Variants in SIPA1L1 observed in about 807,000 individuals in gnomAD.
The protein encoded by SIPA1L1 is signal-induced proliferation-associated 1-like protein 1.
SIPA1L1 carries 26 observed loss-of-function variants against 162.7 expected under a neutral mutation model. The ratio of observed to expected loss-of-function variants is 0.16; its 90% CI spans 0.12 to 0.22. The LOEUF is 0.22. Ranked by LOEUF, SIPA1L1 falls within the 10% of genes least tolerant of loss-of-function variation. SIPA1L1 has a pLI of 1.00. For missense variants in SIPA1L1, 1,874 were observed against 2,241.0 expected (o/e 0.84, Z 3.31); for synonymous variants, 829 against 837.4 (o/e 0.99, Z 0.17).
chr14:71,496,084 AAAAG>A (rs1003755147), intron 2 of SIPA1L1, among the ~76,000 whole-genome samples: 19 of 151,548 alleles, frequency 1.3e-4, no homozygotes, highest in Non-Finnish European at 2.4e-4. Flanking sequence ...AAAAAAAAAA[AAAAG>A]CTATAAAATT....
chr14:71,598,326 C>T (rs2036287358), intron 5 of SIPA1L1: 1 of 558,376 alleles, frequency 1.8e-6, no homozygotes, highest in South Asian at 7.8e-5. Flanking sequence ...TTTGCATGAT[C>T]TCCAGGTATC....
intron 2 of SIPA1L1, among the ~76,000 whole-genome samples, chr14:71,474,038 T>G (rs1020671544): frequency 2.0e-5 from 3 of 152,268 alleles, no homozygotes; most frequent in African/African-American, 7.2e-5. Context: ...TTGTTTGCTT[T>G]CAGCCTGTTG....
chr14:71,705,580 C>T (rs368314142), intron 16 of SIPA1L1, among the ~76,000 whole-genome samples: 1 of 152,082 alleles, frequency 6.6e-6, no homozygotes, highest in East Asian at 1.9e-4. Context: ...TCATCTGATT[C>T]AGTCACTAAC....
At chr14:71,589,772 C>T (rs2035029059) in intron 5 of SIPA1L1, among the ~76,000 whole-genome samples, 1 of 151,922 alleles carries the variant, frequency 6.6e-6, no homozygotes, top group African/African-American at 2.4e-5. Flanking sequence ...ATCACTTCCA[C>T]AGTAAGTACA....
At chr14:71,439,065 G>A (rs2044632420) in intron 2 of SIPA1L1, among the ~76,000 whole-genome samples, 1 of 152,112 alleles carries the variant, frequency 6.6e-6, no homozygotes, top group Admixed American at 6.6e-5. Flanking sequence ...GAGCTCACCT[G>A]TGGTACCCTG....
In SIPA1L1 at chr14:71,691,779, C is replaced by A. The variant is rs1268216071; in HGVS notation, c.3374+6148C>A. 3.3e-5 allele frequency among the ~76,000 whole-genome samples: 5 copies of A among 152,280 alleles called. No individual in the cohort carries two copies. The South Asian group carries it at 1.0e-3, about 32-fold the overall frequency. ...TTTTGACTGCTGAAGTCTTGCCATGCCTGCTCCTCTGACAAGTCGCCTTTA... is the reference window on the plus strand; with the variant it reads ...TTTTGACTGCTGAAGTCTTGCCATGACTGCTCCTCTGACAAGTCGCCTTTA... On this transcript the variant is annotated intron_variant, in intron 13 of 23. Transcript: ENST00000381232.
At chr14:71,597,280 CT>C (rs1481573598) in intron 5 of SIPA1L1, among the ~76,000 whole-genome samples, 1 of 152,166 alleles carries the variant, frequency 6.6e-6, no homozygotes, top group Non-Finnish European at 1.5e-5. Context: ...CTGCACCCGC[CT>C]TATAGTTATC....
At chr14:71,450,641 G>A (rs1028749248) in intron 2 of SIPA1L1, among the ~76,000 whole-genome samples, 20 of 152,122 alleles carry the variant, frequency 1.3e-4, no homozygotes, top group African/African-American at 4.6e-4. Flanking sequence ...AAGCTGCAAT[G>A]TTATTTACCT....
intron 2 of SIPA1L1, among the ~76,000 whole-genome samples, chr14:71,465,938 T>TG (rs2046960515): frequency 6.6e-6 from 1 of 152,192 alleles, no homozygotes; most frequent in African/African-American, 2.4e-5. Context: ...CACATTCTTC[T>TG]GCCTGCTTAT....
chr14:71,570,299 G>A (rs533537874), intron 4 of SIPA1L1, among the ~76,000 whole-genome samples: 207 of 150,614 alleles, frequency 1.4e-3, no homozygotes, highest in Non-Finnish European at 2.5e-3. Flanking sequence ...TTGAGATGAG[G>A]TCTCACTCTG....
At chr14:71,487,517 A>G (rs957163955) in intron 2 of SIPA1L1, among the ~76,000 whole-genome samples, 2 of 152,186 alleles carry the variant, frequency 1.3e-5, no homozygotes, top group Non-Finnish European at 2.9e-5. Context: ...TGTTAGAGCT[A>G]TTCCTGGCAT....
chr14:71,530,560 C>G lies in SIPA1L1; in HGVS notation c.-303+1190C>G, dbSNP rs372753836. On this transcript the variant is annotated intron_variant, in intron 4 of 23. Coordinates refer to ENST00000381232, the MANE Select transcript of SIPA1L1 (RefSeq NM_001386936.1). ...GTAGGAATATTTCAAATATAAAAAG[C>G]ATATAAGGCATAACACAAATATCCT... is the stretch of plus-strand genomic sequence containing the variant. 2.0e-5 allele frequency among the ~76,000 whole-genome samples: 3 copies of G among 152,232 alleles called. No homozygotes were observed. The East Asian group carries it at 5.8e-4, about 29-fold the overall frequency.
intron 9 of SIPA1L1, 112 bp from the exon 10 acceptor site, chr14:71,661,198 T>C (rs978578886): frequency 2.8e-6 from 3 of 1,067,390 alleles, no homozygotes; most frequent in Admixed American, 4.8e-5. Context: ...TTACCTACCT[T>C]CATGTGTACT....
chr14:71,517,305 TA>T (rs1261455154), intron 3 of SIPA1L1, among the ~76,000 whole-genome samples: 2 of 152,176 alleles, frequency 1.3e-5, no homozygotes, highest in Non-Finnish European at 2.9e-5. Context: ...GTAATGTAAT[TA>T]AAAAAATTTT....
At chr14:71,633,911 C>G (rs2040849708) in intron 7 of SIPA1L1, among the ~76,000 whole-genome samples, 1 of 151,998 alleles carries the variant, frequency 6.6e-6, no homozygotes, top group African/African-American at 2.4e-5. Flanking sequence ...AAAAAGTATT[C>G]AAAGAAATAT....
At chr14:71,510,380 G>A (rs940752497) in intron 2 of SIPA1L1, among the ~76,000 whole-genome samples, 1 of 151,636 alleles carries the variant, frequency 6.6e-6, no homozygotes, top group African/African-American at 2.4e-5. Context: ...TAGAGACAGG[G>A]TTTCATTATG....
intron 6 of SIPA1L1, among the ~76,000 whole-genome samples, chr14:71,619,872 T>G (rs2039237838): frequency 6.6e-6 from 1 of 152,220 alleles, no homozygotes; most frequent in Admixed American, 6.5e-5. Flanking sequence ...CTTAAATATC[T>G]AATGTGTTGT....
chr14:71,588,822 G>C lies in SIPA1L1; in HGVS notation c.950G>C (p.Arg317Pro). 1.2e-6 allele frequency: 2 copies of C among 1,614,078 alleles called. No individual in the cohort carries two copies. Among genetic ancestry groups the C allele is most frequent in the Non-Finnish European group, 1.7e-6 (2 of 1,179,990 alleles). Residue 317 changes from arginine to proline, a missense_variant, in exon 5 of 24, where the codon CGA becomes CCA. Physicochemically the swap from Arg to Pro is moderately radical, Grantham distance 103. Coordinates refer to ENST00000381232, the MANE Select transcript of SIPA1L1 (RefSeq NM_001386936.1). The surrounding 1 kb of genome is among the most constrained non-coding windows in gnomAD (Gnocchi z 4.3). Reference sequence around the variant, plus strand: ...AAGTCATCAGATCTTGAAGATAACCGATCAGAAGACTCTGTCAGGCCCTGG... The same window carrying C: ...AAGTCATCAGATCTTGAAGATAACCCATCAGAAGACTCTGTCAGGCCCTGG... The part of the protein sequence containing the change: ...LGKSSDLEDN[R>P]SEDSVRPWTC...
chr14:71,656,647 GCTTTGTT>G (rs1331362053), intron 8 of SIPA1L1, among the ~76,000 whole-genome samples: 1 of 152,114 alleles, frequency 6.6e-6, no homozygotes, highest in Non-Finnish European at 1.5e-5. Flanking sequence ...AGTAGTCTTT[GCTTTGTT>G]CTATTTTTGA....
Sources: allele counts gnomAD v4.1 joint callset (sites outside exome capture counted in the v4.1 genomes callset), GRCh38; gene constraint gnomAD v4.1.1; non-coding constraint Gnocchi (gnomAD v3.1); transcripts MANE v1.5; gene names NCBI Gene and HGNC (gene_info 2026-07-23, HGNC 2026-07-21).